IFT52: variants seen among roughly 807,000 people sequenced by gnomAD.
IFT52 encodes intraflagellar transport 52, also known as intraflagellar transport protein 52 homolog.
IFT52 carries 44 observed loss-of-function variants against 54.4 expected under a neutral mutation model. The observed-to-expected ratio is 0.81, with a 90% CI of 0.63 to 1.04. IFT52 has a LOEUF of 1.04. IFT52 is among the 50% of genes least tolerant of loss of function. IFT52 has a pLI of 0.00. For synonymous variants in IFT52, 181 were observed against 185.3 expected (o/e 0.98, Z 0.19); for missense variants, 452 against 523.6 (o/e 0.86, Z 1.33).
chr20:43,617,889 G>A (rs1338327765), intron 7 of IFT52, among the ~76,000 whole-genome samples: 1 of 152,130 alleles, frequency 6.6e-6, no homozygotes, highest in African/African-American at 2.4e-5. Flanking sequence ...GAGTACAGGT[G>A]CGTGCCACCA....
chr20:43,599,808 A>G (rs1982282700), intron 3 of IFT52, among the ~76,000 whole-genome samples: 1 of 152,176 alleles, frequency 6.6e-6, no homozygotes, highest in Non-Finnish European at 1.5e-5. Context: ...TTGACGCATT[A>G]CACTAGCTTT....
At chr20:43,638,294 G>T (rs899767376) in intron 12 of IFT52, among the ~76,000 whole-genome samples, 1 of 151,840 alleles carries the variant, frequency 6.6e-6, no homozygotes, top group Non-Finnish European at 1.5e-5. Flanking sequence ...GAGTTCAAGC[G>T]ATTCTCCTGC....
At chr20:43,637,275 T>G in intron 12 of IFT52, 22 bp downstream of exon 12, 1 of 1,398,674 alleles carries the variant, frequency 7.1e-7, no homozygotes, top group Non-Finnish European at 9.7e-7. Context: ...GAACTTTTTT[T>G]TTTTGAGACA....
At chr20:43,603,111 C>A (rs1253912639) in intron 3 of IFT52, among the ~76,000 whole-genome samples, 1 of 151,982 alleles carries the variant, frequency 6.6e-6, no homozygotes, top group African/African-American at 2.4e-5. Flanking sequence ...TCTGGACCAC[C>A]CACCCCAGAT....
intron 6 of IFT52, among the ~76,000 whole-genome samples, chr20:43,611,273 A>C (rs570625646): frequency 2.6e-5 from 4 of 152,234 alleles, no homozygotes; most frequent in African/African-American, 9.6e-5. Flanking sequence ...TCCTTAAATA[A>C]GTGAAGCTTG....
chr20:43,622,608 A>G (rs1411812928), intron 9 of IFT52, among the ~76,000 whole-genome samples: 1 of 148,832 alleles, frequency 6.7e-6, no homozygotes, highest in Non-Finnish European at 1.5e-5. Context: ...TCTCAAAAAA[A>G]ATAAATTTTT....
chr20:43,638,931 A>G (rs1985726042), intron 12 of IFT52, among the ~76,000 whole-genome samples: 1 of 152,198 alleles, frequency 6.6e-6, no homozygotes, highest in African/African-American at 2.4e-5. Flanking sequence ...AGTGTAAACG[A>G]AGACCTTTAC....
At chr20:43,638,166 C>T (rs1985670984) in intron 12 of IFT52, among the ~76,000 whole-genome samples, 1 of 150,448 alleles carries the variant, frequency 6.6e-6, no homozygotes, top group Non-Finnish European at 1.5e-5. Context: ...TGACCCCACT[C>T]CTGGAACTCT....
Position 43,647,091 on chromosome 20 carries a change from A to G in IFT52, c.*108A>G. On this transcript the variant is annotated 3_prime_UTR_variant, in exon 14 of 14. Coordinates refer to ENST00000373030, the MANE Select transcript of IFT52 (RefSeq NM_016004.5). ...AAATTGTTTATACACTCTTTCCTCC[A>G]TGAGCTCTGGAAGGTATATGCATCT... is the stretch of plus-strand genomic sequence containing the variant. 1.0e-6 allele frequency: 1 copy of G among 956,362 alleles called. No individual in the cohort carries two copies. Among genetic ancestry groups the G allele is most frequent in the East Asian group, 2.4e-5 (1 of 41,836 alleles). The allele number at this position is 956,362 out of a possible 1,614,324, so 59.2% of individuals were successfully genotyped here. A position where few individuals can be genotyped will look rare whatever the true frequency, so the allele number is the denominator to read the frequency against.
intron 7 of IFT52, among the ~76,000 whole-genome samples, chr20:43,615,257 G>A (rs963539830): frequency 6.6e-6 from 1 of 151,804 alleles, no homozygotes; most frequent in African/African-American, 2.4e-5. Flanking sequence ...GCCCAGGCTG[G>A]TCTTAAACTT....
At position 43,602,143 on chromosome 20, in the gene IFT52, TTTTATTTA is replaced by T. The variant is rs1555801613; in HGVS notation, c.208-1585_208-1578del. ...GAAATGGACTTTGAGCTGATTTTTATTTTATTTATTTATTTATTTATTTATTTATTTAT... is the reference window on the plus strand; with the variant it reads ...GAAATGGACTTTGAGCTGATTTTTATTTTATTTATTTATTTATTTATTTAT... On this transcript the variant is annotated intron_variant, in intron 3 of 13. Transcript: ENST00000373030. Among the ~76,000 whole-genome samples, 1,115 of 145,632 alleles carry T rather than the reference TTTTATTTA, an allele frequency of 7.7e-3. 17 individuals are homozygous for T. The highest frequency in any genetic ancestry group is 0.026 in the African/African-American group (1,026 of 38,818).
chr20:43,609,743 C>G (rs1297567773), intron 6 of IFT52, among the ~76,000 whole-genome samples: 2 of 148,236 alleles, frequency 1.3e-5, no homozygotes, highest in Non-Finnish European at 3.0e-5. Flanking sequence ...CCATTGCACT[C>G]CGGCCTGGGC....
intron 11 of IFT52, 41 bp from the exon 12 acceptor site, chr20:43,637,104 A>C: frequency 1.5e-6 from 2 of 1,298,220 alleles, no homozygotes; most frequent in Non-Finnish European, 2.2e-6. Flanking sequence ...CCTTTACCTT[A>C]TCCTCCCTCA....
intron 1 of IFT52, among the ~76,000 whole-genome samples, chr20:43,593,048 G>A (rs1981658927): frequency 6.6e-6 from 1 of 152,200 alleles, no homozygotes; most frequent in Non-Finnish European, 1.5e-5. Context: ...ACAGTGAGTT[G>A]TGATTGCAGC....
At chr20:43,606,399 A>G (rs1982887782) in intron 6 of IFT52, among the ~76,000 whole-genome samples, 1 of 148,418 alleles carries the variant, frequency 6.7e-6, no homozygotes, top group Non-Finnish European at 1.5e-5. Flanking sequence ...TCAGCCTCCC[A>G]TGTAGCTGGG....
At chr20:43,593,909 A>G (rs1212227404) in intron 1 of IFT52, among the ~76,000 whole-genome samples, 1 of 152,202 alleles carries the variant, frequency 6.6e-6, no homozygotes, top group Non-Finnish European at 1.5e-5. Flanking sequence ...GTGTACTGAC[A>G]AAGAAAGATG....
At chr20:43,640,795 G>A (rs1048876279) in intron 12 of IFT52, among the ~76,000 whole-genome samples, 8 of 152,120 alleles carry the variant, frequency 5.3e-5, no homozygotes, top group Non-Finnish European at 7.4e-5. Flanking sequence ...CAGCACTTTG[G>A]GAGGCCAAAG....
In IFT52 at chr20:43,618,991, C is replaced by A; in HGVS notation, c.664C>A (p.Gln222Lys). ...TGGTTCATGTCACATGTTCAGTGAT[C>A]AATATTTGGACAAAGAAGAAAACAG... Reference protein sequence around the residue: ...VLGSCHMFSDQYLDKEENSKI... With the variant: ...VLGSCHMFSDKYLDKEENSKI... The change falls in exon 8 of 14, where the codon CAA (glutamine) becomes AAA (lysine). Residue 222 changes from glutamine (Q) to lysine (K), a missense_variant. Physicochemically the swap from Gln to Lys is moderately conservative, Grantham distance 53. Coordinates refer to ENST00000373030, the MANE Select transcript of IFT52 (RefSeq NM_016004.5). 1 of 1,613,728 alleles carries A rather than the reference C, an allele frequency of 6.2e-7. No individual in the cohort carries two copies. Among genetic ancestry groups the A allele is most frequent in the East Asian group, 2.2e-5 (1 of 44,874 alleles).
At chr20:43,600,127 CTTCT>C (rs1211852670) in intron 3 of IFT52, among the ~76,000 whole-genome samples, 3 of 152,176 alleles carry the variant, frequency 2.0e-5, no homozygotes, top group Non-Finnish European at 4.4e-5. Context: ...CATTAGAACA[CTTCT>C]TTATGTTTGA....
Sources: allele counts gnomAD v4.1 joint callset (sites outside exome capture counted in the v4.1 genomes callset), GRCh38; gene constraint gnomAD v4.1.1; transcripts MANE v1.5; gene names NCBI Gene and HGNC (gene_info 2026-07-23, HGNC 2026-07-21).